Variants in ERVV-2 observed in about 807,000 individuals in gnomAD.
ERVV-2 encodes endogenous retrovirus group V member 2 Env polyprotein.
For synonymous variants in ERVV-2, 105 were observed against 184.6 expected, an observed-to-expected ratio of 0.57 and a Z score of 3.49; for missense variants, 291 against 495.1, an observed-to-expected ratio of 0.59 and a Z score of 3.91.
rs1297359834 is a variant in ERVV-2, at chr19:53,044,803, C to T, written c.-541C>T. ...TCAGGGTGTCGCTTCTTTCTGAGCTCCTGTCTCTTTAAATGAAGGGCATTT... is the reference window on the plus strand; with the variant it reads ...TCAGGGTGTCGCTTCTTTCTGAGCTTCTGTCTCTTTAAATGAAGGGCATTT... On this transcript the variant is annotated 5_prime_UTR_variant, in exon 1 of 2. Transcript: ENST00000601417. 1 of 152,186 alleles carries T rather than the reference C, an allele frequency of 6.6e-6. No homozygotes were observed. The highest frequency in any genetic ancestry group is 2.4e-5 in the African/African-American group (1 of 41,514). 9.4% of individuals were successfully genotyped at this position (152,186 alleles called of 1,614,324 possible).
rs542226713 is a variant in ERVV-2 at position 53,047,082 on chromosome 19, C to T, written c.-385-1785C>T. On this transcript the variant is annotated intron_variant, in intron 1 of 1. Coordinates refer to ENST00000601417, the MANE Select transcript of ERVV-2 (RefSeq NM_001191055.2). Reference sequence around the variant, plus strand: ...GCTGAGGCAGAAGAATCTCTTGAACCCTGGACACAGAGGTTGCAGTGAGCT... The same window carrying T: ...GCTGAGGCAGAAGAATCTCTTGAACTCTGGACACAGAGGTTGCAGTGAGCT... Among the ~76,000 whole-genome samples, 41 of 152,234 alleles carry T rather than the reference C, an allele frequency of 2.7e-4. No individual in the cohort carries two copies. In the Middle Eastern group the frequency reaches 0.017, roughly 64 times the overall value.
chr19:53,049,005 C>A lies in ERVV-2; in HGVS notation c.-247C>A. The A allele has an allele frequency of 1.6e-6, 1 of 623,430 alleles. No homozygotes were observed. Among genetic ancestry groups the A allele is most frequent in the Non-Finnish European group, 2.8e-6 (1 of 362,556 alleles). 38.6% of individuals were successfully genotyped at this position (623,430 alleles called of 1,614,324 possible). On this transcript the variant is annotated 5_prime_UTR_variant, in exon 2 of 2. Coordinates refer to ENST00000601417, the MANE Select transcript of ERVV-2 (RefSeq NM_001191055.2). Reference sequence around the variant, plus strand: ...AGCCACTGGAGAACTTAAAATTCCACTTCAAGTGAAAAGATAAGTAAAGCC... The same window carrying A: ...AGCCACTGGAGAACTTAAAATTCCAATTCAAGTGAAAAGATAAGTAAAGCC...
chr19:53,047,711 A>G (rs1315962947), intron 1 of ERVV-2, among the ~76,000 whole-genome samples: 1 of 152,158 alleles, frequency 6.6e-6, no homozygotes, highest in Non-Finnish European at 1.5e-5. Flanking sequence ...TGAGTCACCA[A>G]ATAGGTAAAG....
chr19:53,047,307 C>G (rs549693667), intron 1 of ERVV-2, among the ~76,000 whole-genome samples: 1 of 152,250 alleles, frequency 6.6e-6, no homozygotes, highest in South Asian at 2.1e-4. Context: ...AAGATAGCGC[C>G]ACTGCACTCC....
intron 1 of ERVV-2, among the ~76,000 whole-genome samples, chr19:53,045,522 C>G (rs1190224876): frequency 1.3e-5 from 2 of 152,118 alleles, no homozygotes; most frequent in Non-Finnish European, 2.9e-5. Context: ...AGGCTGGTCT[C>G]GAACTCCTGA....
intron 1 of ERVV-2, among the ~76,000 whole-genome samples, chr19:53,048,601 G>C (rs1489351828): frequency 2.7e-5 from 4 of 150,408 alleles, no homozygotes; most frequent in Non-Finnish European, 5.9e-5. Context: ...CTTGAACCTG[G>C]GAGGCGGAGG....
intron 1 of ERVV-2, among the ~76,000 whole-genome samples, chr19:53,046,195 G>A (rs946672057): frequency 2.6e-5 from 4 of 152,076 alleles, no homozygotes; most frequent in African/African-American, 9.7e-5. Flanking sequence ...CCGGGAGCTG[G>A]CCATTGCAGT....
rs1279099131 is a variant in ERVV-2, at chr19:53,048,936, A to C, written c.-316A>C. 25 of 519,456 alleles carry C rather than the reference A, an allele frequency of 4.8e-5. 1 individual carries two copies. The East Asian group carries it at 6.2e-4, about 13-fold the overall frequency. 32.2% of individuals were successfully genotyped at this position (519,456 alleles called of 1,614,324 possible). ...GTGAAACTGTGGGAAGGTCCCGAAGAACCACAGAAGAACAACAGAATTCAG... is the reference window on the plus strand; with the variant it reads ...GTGAAACTGTGGGAAGGTCCCGAAGCACCACAGAAGAACAACAGAATTCAG... On this transcript the variant is annotated 5_prime_UTR_variant, in exon 2 of 2. Transcript: ENST00000601417.
At chr19:53,046,006 A>G (rs1022931678) in intron 1 of ERVV-2, among the ~76,000 whole-genome samples, 7 of 152,072 alleles carry the variant, frequency 4.6e-5, no homozygotes, top group African/African-American at 1.7e-4. Context: ...TCATGCCTGT[A>G]ATCTCAGCAC....
rs767342293 is a variant in ERVV-2 at position 53,050,583 on chromosome 19, G to A, written c.1332G>A (p.Trp444Ter). The change falls in exon 2 of 2, where the codon TGG becomes TGA. Residue 444 changes from tryptophan (W) to a stop codon, truncating the protein, a stop_gained. Transcript: ENST00000601417. LOFTEE classifies it low-confidence loss of function (END_TRUNC). ...GKGGASARAI[W>*]EAVKSALPSL... is the part of the protein sequence containing the mutation. ...GAGGTGCTTCAGCAAGGGCCATCTG[G>A]GAGGCTGTGAAGTCTGCCCTCCCCT... 5.5e-6 allele frequency: 5 copies of A among 916,022 alleles called. No individual in the cohort carries two copies. The highest frequency in any genetic ancestry group is 2.1e-4 in the Middle Eastern group (1 of 4,840). 56.7% of individuals were successfully genotyped at this position (916,022 alleles called of 1,614,324 possible).
At chr19:53,048,217 C>T (rs981100902) in intron 1 of ERVV-2, among the ~76,000 whole-genome samples, 3 of 151,802 alleles carry the variant, frequency 2.0e-5, no homozygotes, top group Non-Finnish European at 2.9e-5. Context: ...ACTAAAAATA[C>T]AAAAAAATTA....
chr19:53,047,773 A>G (rs1568463283), intron 1 of ERVV-2, among the ~76,000 whole-genome samples: 1 of 152,192 alleles, frequency 6.6e-6, no homozygotes, highest in Non-Finnish European at 1.5e-5. Flanking sequence ...CAGATGGGTA[A>G]TCAGATCTTT....
chr19:53,049,117 C>G lies in ERVV-2; in HGVS notation c.-135C>G. ...ATTGGTTCTTCTCCTTATTTTGACC[C>G]AACTGGCATGCCACCTGAAGTCCCG... is the stretch of plus-strand genomic sequence containing the variant. On this transcript the variant is annotated 5_prime_UTR_variant, in exon 2 of 2. Transcript: ENST00000601417. 1 of 855,030 alleles carries G rather than the reference C, an allele frequency of 1.2e-6. No individual in the cohort carries two copies. Among genetic ancestry groups the G allele is most frequent in the Non-Finnish European group, 1.7e-6 (1 of 575,800 alleles). The allele number at this position is 855,030 out of a possible 1,614,324, so 53.0% of individuals were successfully genotyped here.
In ERVV-2 at chr19:53,050,404, A is replaced by T; in HGVS notation, c.1153A>T (p.Arg385Ter). The change falls in exon 2 of 2, where the codon AGA becomes TGA. Residue 385 changes from arginine to a stop codon, truncating the protein, a stop_gained. Transcript: ENST00000601417. LOFTEE classifies it low-confidence loss of function (END_TRUNC). ...DSLANVVMDN[R>*]LALDYLLAEQ... ...TCTAGCAAATGTAGTCATGGACAACAGATTGGCCTTAGATTACCTCTTAGC... is the reference window on the plus strand; with the variant it reads ...TCTAGCAAATGTAGTCATGGACAACTGATTGGCCTTAGATTACCTCTTAGC... 1.3e-6 allele frequency: 1 copy of T among 764,162 alleles called. No individual in the cohort carries two copies. Among genetic ancestry groups the T allele is most frequent in the Non-Finnish European group, 2.3e-6 (1 of 440,986 alleles). The allele number at this position is 764,162 out of a possible 1,614,324, so 47.3% of individuals were successfully genotyped here.
At position 53,050,970 on chromosome 19, in the gene ERVV-2, T is replaced by TC; in HGVS notation, c.*112dup. On this transcript the variant is annotated 3_prime_UTR_variant, in exon 2 of 2. Transcript: ENST00000601417. Reference sequence around the variant, plus strand: ...ACCAGAGCTTTTCAGGGTCTCCATCTCTTGAGGAGGGAAATATTAGGGTAG... The same window carrying TC: ...ACCAGAGCTTTTCAGGGTCTCCATCTCCTTGAGGAGGGAAATATTAGGGTAG... 2 of 1,054,700 alleles carry TC rather than the reference T, an allele frequency of 1.9e-6. No homozygotes were observed. Among genetic ancestry groups the TC allele is most frequent in the Non-Finnish European group, 2.6e-6 (2 of 755,378 alleles). 65.3% of individuals were successfully genotyped at this position (1,054,700 alleles called of 1,614,324 possible). A position where few individuals can be genotyped will look rare whatever the true frequency, so the allele number is the denominator to read the frequency against.
rs966943473 is a variant in ERVV-2 at position 53,048,860 on chromosome 19, C to G, written c.-385-7C>G. On this transcript the variant is annotated splice_region_variant and splice_polypyrimidine_tract_variant and intron_variant, in intron 1 of 1. Coordinates refer to ENST00000601417, the MANE Select transcript of ERVV-2 (RefSeq NM_001191055.2). ...CCCCTTTACTGTCTTACTTTCCACC[C>G]CAACAGCTATCAACATTTCTGGCAT... 3 of 364,850 alleles carry G rather than the reference C, an allele frequency of 8.2e-6. No homozygotes were observed. The highest frequency in any genetic ancestry group is 2.1e-5 in the African/African-American group (1 of 47,212). The allele number at this position is 364,850 out of a possible 1,614,324, so 22.6% of individuals were successfully genotyped here.
In ERVV-2 at chr19:53,051,015, C is replaced by A. The variant is rs995482116; in HGVS notation, c.*156C>A. 6 of 641,048 alleles carry A rather than the reference C, an allele frequency of 9.4e-6. No individual in the cohort carries two copies. The highest frequency in any genetic ancestry group is 1.5e-5 in the Non-Finnish European group (6 of 395,676). The allele number at this position is 641,048 out of a possible 1,614,324, so 39.7% of individuals were successfully genotyped here. Reference sequence around the variant, plus strand: ...GGGTAGGCAGGTAGGCAGGCATGAGCAGGCAAGAGAGCCCTTGGGAAAGGA... The same window carrying A: ...GGGTAGGCAGGTAGGCAGGCATGAGAAGGCAAGAGAGCCCTTGGGAAAGGA... On this transcript the variant is annotated 3_prime_UTR_variant, in exon 2 of 2. Transcript: ENST00000601417.
At chr19:53,046,656 T>C (rs2083892246) in intron 1 of ERVV-2, among the ~76,000 whole-genome samples, 1 of 152,190 alleles carries the variant, frequency 6.6e-6, no homozygotes, top group South Asian at 2.1e-4. Flanking sequence ...TTTCAAGCAT[T>C]TTTTTCTGTA....
Position 53,050,932 on chromosome 19 carries a change from C to T in ERVV-2, c.*73C>T, listed in dbSNP as rs915694814. 1.3e-5 allele frequency: 18 copies of T among 1,367,100 alleles called. No homozygotes were observed. Among genetic ancestry groups the T allele is most frequent in the Non-Finnish European group, 1.5e-5 (16 of 1,034,698 alleles). 84.7% of individuals were successfully genotyped at this position (1,367,100 alleles called of 1,614,324 possible). The stretch of plus-strand genomic sequence containing the variant: ...GCAGGAAGTAGTTACAGAAGACCCA[C>T]GACGTCCTTACAACCAGAGCTTTTC... On this transcript the variant is annotated 3_prime_UTR_variant, in exon 2 of 2. Coordinates refer to ENST00000601417, the MANE Select transcript of ERVV-2 (RefSeq NM_001191055.2).
Sources: gnomAD v4.1 joint callset for allele counts (sites outside exome capture counted in the v4.1 genomes callset) on GRCh38, gnomAD v4.1.1 for gene constraint, MANE v1.5 for transcripts, NCBI Gene and HGNC (gene_info 2026-07-23, HGNC 2026-07-21) for gene names.